The following ADAMTS17 variants were observed in gnomAD, a reference collection of about 807,000 sequenced individuals.
ADAMTS17 encodes ADAM metallopeptidase with thrombospondin type 1 motif 17.
Under a neutral mutation model 141.5 loss-of-function variants are expected in ADAMTS17, and 113 were observed. That is an observed-to-expected ratio of 0.80 (90% confidence interval 0.69 to 0.93). The LOEUF (loss-of-function observed/expected upper bound fraction) is 0.93. ADAMTS17 is among the 40% of genes least tolerant of loss of function. The pLI is 0.00. For missense variants in ADAMTS17, 1,659 were observed against 1,517.9 expected (o/e 1.09, Z -1.54); for synonymous variants, 768 against 630.6 (o/e 1.22, Z -3.27).
intron 20 of ADAMTS17, among the ~76,000 whole-genome samples, chr15:99,987,262 G>A (rs1459789209): frequency 6.6e-6 from 1 of 152,320 alleles, no homozygotes; most frequent in Non-Finnish European, 1.5e-5. Context: ...CTGGAAGATT[G>A]CCCCTTTAAG....
chr15:100,322,499 C>G (rs1323745412), intron 3 of ADAMTS17, among the ~76,000 whole-genome samples: 1 of 152,160 alleles, frequency 6.6e-6, no homozygotes, highest in African/African-American at 2.4e-5. Context: ...TTCAGAATCT[C>G]CACGTTACAT....
chr15:100,011,176 A>G (rs2061161157), intron 18 of ADAMTS17, among the ~76,000 whole-genome samples: 1 of 148,144 alleles, frequency 6.8e-6, no homozygotes, highest in South Asian at 2.2e-4. Context: ...GAGATGGGTG[A>G]TCAGCCAGGG....
intron 1 of ADAMTS17, 62 bp downstream of exon 1, chr15:100,341,759 G>C: frequency 6.6e-7 from 1 of 1,512,648 alleles, no homozygotes; most frequent in Non-Finnish European, 8.9e-7. Context: ...GACGCCGCGA[G>C]AACGCAGAGG....
chr15:100,325,350 T>C (rs2045866990), intron 3 of ADAMTS17, among the ~76,000 whole-genome samples: 1 of 152,172 alleles, frequency 6.6e-6, no homozygotes, highest in Non-Finnish European at 1.5e-5. Flanking sequence ...CAGAGGTAAC[T>C]AAGTTAAAAT....
chr15:100,290,482 T>C (rs933739085), intron 3 of ADAMTS17, among the ~76,000 whole-genome samples: 1 of 152,188 alleles, frequency 6.6e-6, no homozygotes, highest in Non-Finnish European at 1.5e-5. Context: ...ACCAAAGACA[T>C]TCTTCACAGG....
chr15:100,214,409 A>T (rs2141738008), intron 7 of ADAMTS17, among the ~76,000 whole-genome samples: 1 of 152,360 alleles, frequency 6.6e-6, no homozygotes, highest in Non-Finnish European at 1.5e-5. Context: ...TATTGGGAGT[A>T]TCTGCTTTCC....
intron 18 of ADAMTS17, among the ~76,000 whole-genome samples, chr15:100,036,909 T>C (rs919098863): frequency 3.3e-5 from 5 of 152,236 alleles, no homozygotes; most frequent in Non-Finnish European, 5.9e-5. Context: ...TTCATTCCTT[T>C]TTATGGCTGA....
At chr15:100,209,113 C>CAAAAAAAAAAAAAA (rs60742726) in intron 7 of ADAMTS17, among the ~76,000 whole-genome samples, 2 of 96,956 alleles carry the variant, frequency 2.1e-5, no homozygotes, top group East Asian at 2.9e-4. Context: ...GCCAAGTTAG[C>CAAAAAAAAAAAAAA]AAAAAAAAAA....
rs565382515 is a variant in ADAMTS17, at chr15:100,306,777, C to T, written c.616+24112G>A. Among the ~76,000 whole-genome samples the T allele has an allele frequency of 2.8e-4, 42 of 152,288 alleles. No homozygotes were observed. In the East Asian group the frequency reaches 7.5e-3, roughly 27 times the overall value. ...GTAGAAACCCTTATGCCCTGCTGTGCTTCCAAAGCCCAAAGCGGGGATGCA... is the reference window on the plus strand; with the variant it reads ...GTAGAAACCCTTATGCCCTGCTGTGTTTCCAAAGCCCAAAGCGGGGATGCA... On this transcript the variant is annotated intron_variant, in intron 3 of 21. Coordinates refer to ENST00000268070, the MANE Select transcript of ADAMTS17 (RefSeq NM_139057.4).
intron 7 of ADAMTS17, among the ~76,000 whole-genome samples, chr15:100,217,285 A>C (rs1040802584): frequency 6.6e-6 from 1 of 152,252 alleles, no homozygotes; most frequent in East Asian, 1.9e-4. Flanking sequence ...CATCATACAC[A>C]AAAATTAACT....
chr15:100,025,410 TTTTC>T (rs1291621182), intron 18 of ADAMTS17, among the ~76,000 whole-genome samples: 3 of 145,518 alleles, frequency 2.1e-5, no homozygotes, highest in Admixed American at 6.7e-5. Context: ...TCTTCTTTTC[TTTTC>T]TTTTTTTTTT....
intron 7 of ADAMTS17, among the ~76,000 whole-genome samples, chr15:100,202,090 A>G (rs966282962): frequency 6.6e-6 from 1 of 152,202 alleles, no homozygotes; most frequent in Non-Finnish European, 1.5e-5. Flanking sequence ...AGATGTGCTG[A>G]GCTTCCTGTC....
chr15:100,075,997 T>C (rs2034346833), intron 15 of ADAMTS17, among the ~76,000 whole-genome samples: 1 of 152,136 alleles, frequency 6.6e-6, no homozygotes, highest in Admixed American at 6.5e-5. Context: ...TGTATCACTG[T>C]TTCTTTCTTG....
chr15:100,289,342 A>G (rs1037584016), intron 3 of ADAMTS17, among the ~76,000 whole-genome samples: 2 of 152,160 alleles, frequency 1.3e-5, no homozygotes, highest in African/African-American at 4.8e-5. Flanking sequence ...AATCAGTAAT[A>G]AAAAGCCTAC....
chr15:100,148,433 T>C (rs1453622403), intron 10 of ADAMTS17, among the ~76,000 whole-genome samples: 2 of 152,162 alleles, frequency 1.3e-5, no homozygotes, highest in Non-Finnish European at 2.9e-5. Flanking sequence ...CTCTTGGTGA[T>C]ACATTTTTTT....
At chr15:100,242,219 G>A (rs892817574) in intron 7 of ADAMTS17, among the ~76,000 whole-genome samples, 9 of 152,168 alleles carry the variant, frequency 5.9e-5, no homozygotes, top group Non-Finnish European at 8.8e-5. Flanking sequence ...CAATGGCTTC[G>A]GCATGACTGA....
At chr15:100,268,608 G>C (rs780468445) in intron 4 of ADAMTS17, among the ~76,000 whole-genome samples, 3 of 152,156 alleles carry the variant, frequency 2.0e-5, no homozygotes. Context: ...AGAAGTGTCA[G>C]TTCATGTTTT....
chr15:100,114,681 C>T (rs2037000767), intron 13 of ADAMTS17, among the ~76,000 whole-genome samples: 1 of 152,110 alleles, frequency 6.6e-6, no homozygotes, highest in Admixed American at 6.5e-5. Flanking sequence ...ACTCTAGTGA[C>T]AATAACTTAG....
intron 8 of ADAMTS17, among the ~76,000 whole-genome samples, chr15:100,170,943 T>C (rs555280996): frequency 6.6e-6 from 1 of 152,252 alleles, no homozygotes; most frequent in Admixed American, 6.5e-5. Context: ...ATGGTAGAAA[T>C]TCAAAGGCTA....
Sources: allele counts gnomAD v4.1 joint callset (sites outside exome capture counted in the v4.1 genomes callset), GRCh38; gene constraint gnomAD v4.1.1; transcripts MANE v1.5; gene names NCBI Gene and HGNC (gene_info 2026-07-23, HGNC 2026-07-21).